Variants in CORIN observed in about 807,000 individuals in gnomAD.
CORIN encodes atrial natriuretic peptide-converting enzyme.
A neutral mutation model predicts 125.3 loss-of-function variants in CORIN; 117 were observed. That is an observed-to-expected ratio of 0.93 (90% CI 0.80 to 1.09). CORIN has a LOEUF of 1.09. CORIN is among the 50% of genes least tolerant of loss of function. CORIN has a pLI of 0.00. For missense variants in CORIN, 1,253 were observed against 1,306.7 expected (o/e 0.96, Z 0.63); for synonymous variants, 450 against 466.4 (o/e 0.96, Z 0.45).
rs1173072487 is a variant in CORIN, at chr4:47,657,521, C to T, written c.1736-3861G>A. On this transcript the variant is annotated intron_variant, in intron 12 of 21. Transcript: ENST00000273857. ...CTGCACTCCAGCCTGGGCGACAGAG[C>T]GAAACTCCGTCTCCAAAAAAAAAAA... Among the ~76,000 whole-genome samples, 13 of 130,780 alleles carry T rather than the reference C, an allele frequency of 9.9e-5. No homozygotes were observed. The East Asian group carries it at 1.7e-3, about 17-fold the overall frequency. The allele number at this position is 130,780 out of a possible 152,430, so 85.8% of individuals were successfully genotyped here.
chr4:47,596,177 C>T (rs1306315131), intron 21 of CORIN, among the ~76,000 whole-genome samples: 1 of 152,094 alleles, frequency 6.6e-6, no homozygotes, highest in Non-Finnish European at 1.5e-5. Context: ...CAGGCATTTT[C>T]TGCACTTATA....
chr4:47,757,932 G>A (rs1158397226), intron 4 of CORIN, among the ~76,000 whole-genome samples: 2 of 141,992 alleles, frequency 1.4e-5, no homozygotes, highest in African/African-American at 2.7e-5. Context: ...ATATATATTT[G>A]AGACAGAGTC....
chr4:47,751,814 C>T (rs1268279117), intron 4 of CORIN, among the ~76,000 whole-genome samples: 2 of 152,210 alleles, frequency 1.3e-5, no homozygotes, highest in African/African-American at 4.8e-5. Context: ...TAGCAGTGTG[C>T]CTGGCACATT....
intron 1 of CORIN, among the ~76,000 whole-genome samples, chr4:47,815,934 C>G (rs913865617): frequency 1.3e-5 from 2 of 152,152 alleles, no homozygotes; most frequent in African/African-American, 4.8e-5. Context: ...AAGGAGGCTC[C>G]TGAATTTGTG....
chr4:47,825,302 C>G (rs1476224286), intron 1 of CORIN, among the ~76,000 whole-genome samples: 1 of 152,190 alleles, frequency 6.6e-6, no homozygotes, highest in Non-Finnish European at 1.5e-5. Context: ...AGAAGTGAGG[C>G]CTGGGAGTCC....
At chr4:47,768,456 C>G (rs900913705) in intron 3 of CORIN, among the ~76,000 whole-genome samples, 4 of 152,176 alleles carry the variant, frequency 2.6e-5, no homozygotes, top group African/African-American at 7.2e-5. Flanking sequence ...GAAAAGTGAA[C>G]ATTTGTAAAC....
intron 5 of CORIN, among the ~76,000 whole-genome samples, chr4:47,694,731 C>T (rs909795076): frequency 2.6e-5 from 4 of 152,122 alleles, no homozygotes; most frequent in African/African-American, 7.2e-5. Flanking sequence ...AGGAGGTTCT[C>T]GATTAATATA....
intron 11 of CORIN, among the ~76,000 whole-genome samples, chr4:47,662,271 GA>G (rs368556788): frequency 6.0e-4 from 91 of 152,146 alleles, no homozygotes; most frequent in African/African-American, 2.1e-3. Flanking sequence ...CTCATCCTCA[GA>G]GATCTCCCCC....
chr4:47,608,923 T>C (rs1336730942), intron 19 of CORIN, among the ~76,000 whole-genome samples: 1 of 152,242 alleles, frequency 6.6e-6, no homozygotes, highest in East Asian at 1.9e-4. Flanking sequence ...TAAAGATTTC[T>C]ATCTTTATCT....
At chr4:47,756,419 GA>G (rs1334503512) in intron 4 of CORIN, among the ~76,000 whole-genome samples, 1 of 152,196 alleles carries the variant, frequency 6.6e-6, no homozygotes, top group Non-Finnish European at 1.5e-5. Context: ...GTTGCCAGAT[GA>G]AATTCTTTAA....
chr4:47,805,811 A>G (rs1034879942), intron 2 of CORIN, among the ~76,000 whole-genome samples: 3 of 152,214 alleles, frequency 2.0e-5, no homozygotes, highest in African/African-American at 7.2e-5. Flanking sequence ...AACCAGTAAG[A>G]AAATAATAGG....
intron 16 of CORIN, among the ~76,000 whole-genome samples, chr4:47,626,971 GGTTGTT>G (rs111543039): frequency 1.8e-4 from 27 of 151,306 alleles, no homozygotes; most frequent in African/African-American, 5.6e-4. Context: ...TATGTTTGTA[GGTTGTT>G]GTTGTTGTTG....
At chr4:47,615,948 A>G (rs908756159) in intron 19 of CORIN, among the ~76,000 whole-genome samples, 1 of 152,222 alleles carries the variant, frequency 6.6e-6, no homozygotes, top group Non-Finnish European at 1.5e-5. Flanking sequence ...TAAATGTGAG[A>G]AGAATTAAGG....
Position 47,798,499 on chromosome 4 carries a change from G to A in CORIN, c.208+8404C>T, listed in dbSNP as rs148160993. Among the ~76,000 whole-genome samples the A allele has an allele frequency of 8.1e-3, 1,238 of 152,094 alleles. 17 individuals carry two copies. Among genetic ancestry groups the A allele is most frequent in the African/African-American group, 0.028 (1,171 of 41,500 alleles). On this transcript the variant is annotated intron_variant, in intron 2 of 21. Transcript: ENST00000273857. ...AAGTTATAAACTCAAACCAAACAGA[G>A]CATTTTTTAAAGTAAGCAATTTAAT...
chr4:47,800,616 T>C (rs1252241742), intron 2 of CORIN, among the ~76,000 whole-genome samples: 3 of 151,948 alleles, frequency 2.0e-5, no homozygotes, highest in Admixed American at 6.6e-5. Flanking sequence ...TCTGGAAGGG[T>C]GTTGACTCTT....
In CORIN at chr4:47,595,755, C is replaced by T; in HGVS notation, c.3095G>A (p.Arg1032Lys). ...NVSYFVEWIKRQIYIQTFLLN is the reference protein window; with the variant it reads ...NVSYFVEWIKKQIYIQTFLLN ...GAGAAAGGTCTGGATGTAAATCTGT[C>T]TTTTAATCCATTCGACGAAATATGA... The change falls in exon 22 of 22, where the codon AGA (arginine) becomes AAA (lysine). Residue 1032 changes from arginine to lysine, a missense_variant. By Grantham distance (26) the Arg-to-Lys change is conservative (BLOSUM62 2). Transcript: ENST00000273857. The T allele has an allele frequency of 6.2e-7, 1 of 1,611,786 alleles. No homozygotes were observed. The highest frequency in any genetic ancestry group is 8.5e-7 in the Non-Finnish European group (1 of 1,179,266).
chr4:47,605,757 G>A (rs1721623879), intron 19 of CORIN, among the ~76,000 whole-genome samples: 1 of 152,040 alleles, frequency 6.6e-6, no homozygotes, highest in African/African-American at 2.4e-5. Flanking sequence ...CTGGGGCCTG[G>A]GAGTCTGTAT....
At chr4:47,672,682 A>G (rs1215361538) in intron 10 of CORIN, among the ~76,000 whole-genome samples, 1 of 152,082 alleles carries the variant, frequency 6.6e-6, no homozygotes, top group Non-Finnish European at 1.5e-5. Context: ...ATCTATAGAT[A>G]TGTTCTATTT....
At position 47,683,771 on chromosome 4, in the gene CORIN, T is replaced by C; in HGVS notation, c.981A>G (p.Gly327=). The change falls in exon 7 of 22, where the codon GGA becomes GGG. Residue 327 remains glycine, a synonymous_variant. Coordinates refer to ENST00000273857, the MANE Select transcript of CORIN (RefSeq NM_006587.4). ...KCLNYSLVCD[G]YDDCGDLSDE... is the part of the protein sequence containing the mutation. ...CACTCAAATCCCCACAGTCATCATA[T>C]CCATCACACACAAGGCTGTAATTAA... 6.2e-7 allele frequency: 1 copy of C among 1,613,862 alleles called. No homozygotes were observed.
Sources: allele counts gnomAD v4.1 joint callset (sites outside exome capture counted in the v4.1 genomes callset), GRCh38; gene constraint gnomAD v4.1.1; transcripts MANE v1.5; gene names NCBI Gene and HGNC (gene_info 2026-07-23, HGNC 2026-07-21).